The following OVOL2 variants were observed in gnomAD, a reference collection of about 807,000 sequenced individuals.
OVOL2 encodes transcription factor Ovo-like 2.
Under a neutral mutation model 18.1 loss-of-function variants are expected in OVOL2, and 13 were observed. The ratio of observed to expected loss-of-function variants is 0.72; its 90% CI spans 0.47 to 1.14. The LOEUF (loss-of-function observed/expected upper bound fraction) is 1.14. Ranked by LOEUF, OVOL2 falls within the 50% of genes most tolerant of loss-of-function variation. The probability of loss-of-function intolerance (pLI) is 0.00; values close to 1 mark genes in which losing one functional copy is unlikely to be tolerated. For synonymous variants in OVOL2, 166 were observed against 162.7 expected (o/e 1.02, Z -0.16); for missense variants, 335 against 383.0 (o/e 0.87, Z 1.05).
chr20:18,025,390 A>G (rs1227930786), intron 3 of OVOL2, among the ~76,000 whole-genome samples: 1 of 152,136 alleles, frequency 6.6e-6, no homozygotes, highest in Non-Finnish European at 1.5e-5. Flanking sequence ...CAACATGGTG[A>G]AACCCCGTCT....
In OVOL2 at chr20:18,057,247, C is replaced by T. The variant is rs1166544439; in HGVS notation, c.100+288G>A. Among the ~76,000 whole-genome samples the T allele has an allele frequency of 6.6e-6, 1 of 152,180 alleles. No homozygotes were observed. Among genetic ancestry groups the T allele is most frequent in the Non-Finnish European group, 1.5e-5 (1 of 68,016 alleles). On this transcript the variant is annotated intron_variant, in intron 1 of 3. Coordinates refer to ENST00000278780, the MANE Select transcript of OVOL2 (RefSeq NM_021220.4). This position sits in a 1 kb window ranked among gnomAD's most constrained non-coding sequence, Gnocchi z 6.3. ...ATGAGGACGTGAGATTGGGGGTAGC[C>T]TCTGCTGGCTTTCAATCCCTTTCCT...
chr20:18,056,921 A>G lies in OVOL2; in HGVS notation c.101-44T>C. On this transcript the variant is annotated intron_variant, in intron 1 of 3. Coordinates refer to ENST00000278780, the MANE Select transcript of OVOL2 (RefSeq NM_021220.4). The surrounding 1 kb of genome is among the most constrained non-coding windows in gnomAD (Gnocchi z 4.2). Reference sequence around the variant, plus strand: ...CGCCCCGACACACACACTCGGCGTCAACCCGCACGCCCGCGGCAGTTTGAC... The same window carrying G: ...CGCCCCGACACACACACTCGGCGTCGACCCGCACGCCCGCGGCAGTTTGAC... 1.4e-6 allele frequency: 2 copies of G among 1,447,196 alleles called. No individual in the cohort carries two copies. The highest frequency in any genetic ancestry group is 1.8e-6 in the Non-Finnish European group (2 of 1,108,712). The allele number at this position is 1,447,196 out of a possible 1,614,324, so 89.6% of individuals were successfully genotyped here.
At chr20:18,043,520 G>C (rs1205040714) in intron 2 of OVOL2, among the ~76,000 whole-genome samples, 1 of 152,118 alleles carries the variant, frequency 6.6e-6, no homozygotes, top group African/African-American at 2.4e-5. Context: ...TATGAATAAA[G>C]CCTGATTGGA....
At chr20:18,038,276 T>C (rs2036637168) in intron 3 of OVOL2, among the ~76,000 whole-genome samples, 1 of 152,238 alleles carries the variant, frequency 6.6e-6, no homozygotes, top group Non-Finnish European at 1.5e-5. Flanking sequence ...ATTTTACTAC[T>C]AATAATAGCT....
chr20:18,043,874 C>T (rs771980763), intron 2 of OVOL2, among the ~76,000 whole-genome samples: 12 of 152,162 alleles, frequency 7.9e-5, no homozygotes, highest in Non-Finnish European at 1.8e-4. Context: ...TGAATGTTAC[C>T]AAATCAGATC....
intron 2 of OVOL2, among the ~76,000 whole-genome samples, chr20:18,054,390 T>C (rs1325274629): frequency 6.6e-6 from 1 of 152,238 alleles, no homozygotes; most frequent in African/African-American, 2.4e-5. Context: ...GTTGCTTCTC[T>C]GTGCCAGGCA....
At chr20:18,045,817 G>C (rs2036720409) in intron 2 of OVOL2, among the ~76,000 whole-genome samples, 1 of 152,158 alleles carries the variant, frequency 6.6e-6, no homozygotes, top group Non-Finnish European at 1.5e-5. Flanking sequence ...TGGGAGTGGA[G>C]AGAAGGGGTT....
chr20:18,049,324 T>C (rs1265400191), intron 2 of OVOL2, among the ~76,000 whole-genome samples: 1 of 152,164 alleles, frequency 6.6e-6, no homozygotes, highest in Non-Finnish European at 1.5e-5. Flanking sequence ...ATCATTCACC[T>C]GTCAAACTTC....
intron 2 of OVOL2, among the ~76,000 whole-genome samples, chr20:18,054,844 C>A (rs747179735): frequency 6.6e-6 from 1 of 151,630 alleles, no homozygotes; most frequent in Non-Finnish European, 1.5e-5. Flanking sequence ...TTCAGCATGC[C>A]TTGGAAAGAA....
chr20:18,047,853 CAAA>C (rs34668253), intron 2 of OVOL2, among the ~76,000 whole-genome samples: 1 of 47,150 alleles, frequency 2.1e-5, no homozygotes, highest in African/African-American at 8.6e-5. Context: ...GACTCCGTCT[CAAA>C]AAAAAAAAAA....
Position 18,056,300 on chromosome 20 carries a change from C to T in OVOL2, c.321+357G>A, listed in dbSNP as rs1292511102. Reference sequence around the variant, plus strand: ...TCCTTTCCAACCTCAGGAACTCCGACGGCCTTGGTTATTCTACAGGCCTAG... The same window carrying T: ...TCCTTTCCAACCTCAGGAACTCCGATGGCCTTGGTTATTCTACAGGCCTAG... On this transcript the variant is annotated intron_variant, in intron 2 of 3. Coordinates refer to ENST00000278780, the MANE Select transcript of OVOL2 (RefSeq NM_021220.4). This position sits in a 1 kb window ranked among gnomAD's most constrained non-coding sequence, Gnocchi z 4.2. Among the ~76,000 whole-genome samples, 1 of 152,246 alleles carries T rather than the reference C, an allele frequency of 6.6e-6. No homozygotes were observed. The highest frequency in any genetic ancestry group is 1.5e-5 in the Non-Finnish European group (1 of 68,036).
chr20:18,030,202 T>C (rs1423402991), intron 3 of OVOL2, among the ~76,000 whole-genome samples: 4 of 152,188 alleles, frequency 2.6e-5, no homozygotes, highest in African/African-American at 9.7e-5. Context: ...TAATGCAGAC[T>C]TTGTGTTTTC....
intron 3 of OVOL2, among the ~76,000 whole-genome samples, chr20:18,035,866 T>C (rs959930250): frequency 2.0e-5 from 3 of 152,220 alleles, no homozygotes; most frequent in African/African-American, 7.2e-5. Flanking sequence ...AAATGCAAGC[T>C]GCTTTATAAG....
chr20:18,024,702 C>T lies in OVOL2; in HGVS notation c.762G>A (p.Leu254=), dbSNP rs760555687. ...KKTSKKLAAL[L]QGKLTSAHQE... ...GGTGTGCGGATGTCAGCTTGCCCTG[C>T]AGAAGGGCTGCCAGTTTTTTAGATG... The change falls in exon 4 of 4, where the codon CTG becomes CTA. Residue 254 remains leucine (L), a synonymous_variant. Transcript: ENST00000278780. 6.2e-7 allele frequency: 1 copy of T among 1,614,006 alleles called. No homozygotes were observed. Among genetic ancestry groups the T allele is most frequent in the Non-Finnish European group, 8.5e-7 (1 of 1,180,016 alleles).
chr20:18,026,068 A>G (rs2036512299), intron 3 of OVOL2, among the ~76,000 whole-genome samples: 1 of 152,226 alleles, frequency 6.6e-6, no homozygotes, highest in South Asian at 2.1e-4. Context: ...TGGCATTAGA[A>G]CTGGGCTAAC....
Position 18,024,566 on chromosome 20 carries a change from G to A in OVOL2, c.*70C>T, listed in dbSNP as rs1474711942. On this transcript the variant is annotated 3_prime_UTR_variant, in exon 4 of 4. Transcript: ENST00000278780. Reference sequence around the variant, plus strand: ...ATTAAGAAGAGCCAGTGGGGTGGGGGAAGCTGAAAACCAAAAATCCACGTA... The same window carrying A: ...ATTAAGAAGAGCCAGTGGGGTGGGGAAAGCTGAAAACCAAAAATCCACGTA... The A allele has an allele frequency of 6.8e-6, 10 of 1,476,440 alleles. No homozygotes were observed. In the East Asian group the frequency reaches 2.5e-4, roughly 37 times the overall value. The allele number at this position is 1,476,440 out of a possible 1,614,324, so 91.5% of individuals were successfully genotyped here. A position where few individuals can be genotyped will look rare whatever the true frequency, so the allele number is the denominator to read the frequency against.
chr20:18,033,948 C>T (rs766333283), intron 3 of OVOL2, among the ~76,000 whole-genome samples: 10 of 152,158 alleles, frequency 6.6e-5, no homozygotes, highest in Non-Finnish European at 1.3e-4. Flanking sequence ...AATATAAAGG[C>T]CCATGTTTTT....
rs191723033 is a variant in OVOL2 at position 18,040,100 on chromosome 20, T to G, written c.511+1434A>C. 2.4e-3 allele frequency among the ~76,000 whole-genome samples: 358 copies of G among 152,188 alleles called. 2 individuals carry two copies. Among genetic ancestry groups the G allele is most frequent in the African/African-American group, 8.4e-3 (348 of 41,532 alleles). On this transcript the variant is annotated intron_variant, in intron 3 of 3. Coordinates refer to ENST00000278780, the MANE Select transcript of OVOL2 (RefSeq NM_021220.4). ...CCACCACGCCTGGCTAATTTTTAAA[T>G]TTTCTTGGGGAGACAGTCTTTCGAT...
chr20:18,053,681 G>A lies in OVOL2; in HGVS notation c.321+2976C>T, dbSNP rs149450230. Among the ~76,000 whole-genome samples, 729 of 142,290 alleles carry A rather than the reference G, an allele frequency of 5.1e-3. 3 individuals carry two copies. Among genetic ancestry groups the A allele is most frequent in the African/African-American group, 0.019 (683 of 36,278 alleles). The allele number at this position is 142,290 out of a possible 152,430, so 93.3% of individuals were successfully genotyped here. A position where few individuals can be genotyped will look rare whatever the true frequency, so the allele number is the denominator to read the frequency against. On this transcript the variant is annotated intron_variant, in intron 2 of 3. Coordinates refer to ENST00000278780, the MANE Select transcript of OVOL2 (RefSeq NM_021220.4). ...GCGCAACTGTACTCCAGCTCCAGGC[G>A]ACAGAGAGAGACTCTGTCTCAAAAA...
Sources: gnomAD v4.1 joint callset for allele counts (sites outside exome capture counted in the v4.1 genomes callset) on GRCh38, gnomAD v4.1.1 for gene constraint, Gnocchi (gnomAD v3.1) non-coding constraint, MANE v1.5 for transcripts, NCBI Gene and HGNC (gene_info 2026-07-23, HGNC 2026-07-21) for gene names.